ABCA4: variants seen among roughly 807,000 people sequenced by gnomAD.
ABCA4 encodes the protein retinal-specific phospholipid-transporting ATPase ABCA4.
In ABCA4, 196 loss-of-function variants were observed where a neutral mutation model predicts 263.7. The observed-to-expected ratio is 0.74, with a 90% confidence interval of 0.66 to 0.84. The LOEUF (loss-of-function observed/expected upper bound fraction) is 0.84, where lower values mean the gene tolerates loss of function less well. Ranked by LOEUF, ABCA4 falls within the 40% of genes least tolerant of loss-of-function variation. The pLI is 0.00. For synonymous variants in ABCA4, 1,133 were observed against 1,094.2 expected (o/e 1.04, Z -0.70); for missense variants, 2,792 against 2,855.1 (o/e 0.98, Z 0.50).
chr1:94,110,501 G>A (rs552345909), intron 3 of ABCA4, among the ~76,000 whole-genome samples: 20 of 152,278 alleles, frequency 1.3e-4, no homozygotes, highest in Non-Finnish European at 1.8e-4. Flanking sequence ...TATACAGGTC[G>A]GGTAAAGCCT....
At chr1:93,995,960 T>C (rs1658987967) in intron 49 of ABCA4, 149 bp downstream of exon 49, 1 of 675,472 alleles carries the variant, frequency 1.5e-6, no homozygotes, top group African/African-American at 1.8e-5. Flanking sequence ...GATGAGGATG[T>C]GGTGGGGACT....
At chr1:94,084,831 A>T (rs1661789865) in intron 6 of ABCA4, among the ~76,000 whole-genome samples, 1 of 152,052 alleles carries the variant, frequency 6.6e-6, no homozygotes, top group Non-Finnish European at 1.5e-5. Context: ...AAAGCACTTT[A>T]ATTTCTGTTT....
At position 93,993,031 on chromosome 1, in the gene ABCA4, G is replaced by T; in HGVS notation, c.*206C>A. The T allele has an allele frequency of 1.6e-6, 1 of 632,218 alleles. No individual in the cohort carries two copies. The highest frequency in any genetic ancestry group is 2.7e-6 in the Non-Finnish European group (1 of 364,228). The allele number at this position is 632,218 out of a possible 1,614,324, so 39.2% of individuals were successfully genotyped here. A position where few individuals can be genotyped will look rare whatever the true frequency, so the allele number is the denominator to read the frequency against. On this transcript the variant is annotated 3_prime_UTR_variant, in exon 50 of 50. Transcript: ENST00000370225. Reference sequence around the variant, plus strand: ...TTGTATTTGTTTGGTTTCACCATCAGGTGTTCCAGGTGAGCAAGTCAGTTT... The same window carrying T: ...TTGTATTTGTTTGGTTTCACCATCATGTGTTCCAGGTGAGCAAGTCAGTTT...
intron 31 of ABCA4, among the ~76,000 whole-genome samples, chr1:94,024,699 TA>T (rs1169285967): frequency 6.6e-6 from 1 of 152,200 alleles, no homozygotes; most frequent in Non-Finnish European, 1.5e-5. Context: ...ATACGTGGGT[TA>T]AAATTTAAGA....
chr1:94,077,584 G>A, intron 11 of ABCA4, 106 bp downstream of exon 11: 5 of 1,092,414 alleles, frequency 4.6e-6, no homozygotes, highest in Non-Finnish European at 5.3e-6. Context: ...CTTCAGTGGG[G>A]AAAATGAAAG....
Position 94,021,413 on chromosome 1 carries a change from G to C in ABCA4, c.4849-4C>G. On this transcript the variant is annotated splice_polypyrimidine_tract_variant and splice_region_variant and intron_variant, in intron 34 of 49. Coordinates refer to ENST00000370225, the MANE Select transcript of ABCA4 (RefSeq NM_000350.3). ...AGCCTTTGTTATTAAACCACACCTA[G>C]AGGGTGGAGAGGACATCTGAGACGC... 6.2e-7 allele frequency: 1 copy of C among 1,614,210 alleles called. No individual in the cohort carries two copies. The highest frequency in any genetic ancestry group is 1.3e-5 in the African/African-American group (1 of 75,056).
intron 43 of ABCA4, 25 bp downstream of exon 43, chr1:94,007,609 G>A: frequency 1.3e-6 from 2 of 1,588,072 alleles, no homozygotes; most frequent in Non-Finnish European, 1.7e-6. Context: ...GAGACTCCCT[G>A]AGACAGGAGG....
chr1:94,100,062 A>G (rs1662249450), intron 5 of ABCA4, among the ~76,000 whole-genome samples: 1 of 152,172 alleles, frequency 6.6e-6, no homozygotes, highest in Non-Finnish European at 1.5e-5. Flanking sequence ...ACAGTCTCCC[A>G]TGACATCTAA....
Position 94,112,959 on chromosome 1 carries a change from C to T in ABCA4, c.160+14G>A, listed in dbSNP as rs1662651173. 3 of 1,607,904 alleles carry T rather than the reference C, an allele frequency of 1.9e-6. No individual in the cohort carries two copies. The highest frequency in any genetic ancestry group is 2.6e-6 in the Non-Finnish European group (3 of 1,174,358). On this transcript the variant is annotated intron_variant, in intron 2 of 49. Transcript: ENST00000370225. The stretch of plus-strand genomic sequence containing the variant: ...TCTCTTCAGGGCTTGCCCAAGCTAC[C>T]CTGCTATGCTTACATTCATGATGGC...
intron 11 of ABCA4, among the ~76,000 whole-genome samples, chr1:94,076,293 A>G (rs17111003): frequency 0.055 from 8,325 of 152,172 alleles, 255 homozygotes; most frequent in Non-Finnish European, 0.064. Context: ...TGTATAGATG[A>G]CTGCTAAGGG....
At chr1:94,078,398 C>A (rs1445095227) in intron 10 of ABCA4, among the ~76,000 whole-genome samples, 192 bp downstream of exon 10, 1 of 152,182 alleles carries the variant, frequency 6.6e-6, no homozygotes, top group Non-Finnish European at 1.5e-5. Context: ...ATTCAAGAAA[C>A]ATATTTCTCA....
At chr1:94,117,311 CA>C (rs1662817745) in intron 1 of ABCA4, among the ~76,000 whole-genome samples, 1 of 152,124 alleles carries the variant, frequency 6.6e-6, no homozygotes, top group South Asian at 2.1e-4. Context: ...CCTGGACAAA[CA>C]TGACCCGGAG....
chr1:94,015,773 G>T lies in ABCA4; in HGVS notation c.5278C>A (p.Leu1760Ile), dbSNP rs755278800. Residue 1760 changes from leucine to isoleucine, a missense_variant, in exon 37 of 50, where the codon CTT becomes ATT. Transcript: ENST00000370225. ...AGGAGCAGTGCCACAAGGGCAGGAA[G>T]GTTTTCTGGAGAAGTGTAGGCTTTC... The part of the protein sequence containing the change: ...QKKAYTSPEN[L>I]PALVALLLLY... 7.4e-6 allele frequency: 12 copies of T among 1,613,910 alleles called. No individual in the cohort carries two copies. In the South Asian group the frequency reaches 1.2e-4, roughly 16 times the overall value.
chr1:94,048,254 T>C (rs1462694036), intron 18 of ABCA4, among the ~76,000 whole-genome samples: 1 of 152,184 alleles, frequency 6.6e-6, no homozygotes, highest in Non-Finnish European at 1.5e-5. Flanking sequence ...GAAATGCGTA[T>C]GCTTAGGGAA....
At position 94,041,339 on chromosome 1, in the gene ABCA4, G is replaced by A. The variant is rs1660480391; in HGVS notation, c.3392C>T (p.Ala1131Val). 6.2e-7 allele frequency: 1 copy of A among 1,614,156 alleles called. No individual in the cohort carries two copies. The highest frequency in any genetic ancestry group is 8.5e-7 in the Non-Finnish European group (1 of 1,180,044). The part of the protein sequence containing the change: ...DEADLLGDRI[A>V]IIAQGRLYCS... ...GTAGAGCCTTCCCTGGGCAATGATG[G>A]CAATGCGGTCCCCAAGGAGGTCGGC... The change falls in exon 23 of 50, where the codon GCC becomes GTC. Residue 1131 changes from alanine to valine, a missense_variant. By Grantham distance (64) the Ala-to-Val change is moderately conservative (BLOSUM62 0). Coordinates refer to ENST00000370225, the MANE Select transcript of ABCA4 (RefSeq NM_000350.3).
chr1:94,118,221 A>C (rs1028383812), intron 1 of ABCA4, among the ~76,000 whole-genome samples: 1 of 152,182 alleles, frequency 6.6e-6, no homozygotes, highest in Admixed American at 6.5e-5. Flanking sequence ...CAGGGAGGTG[A>C]TGCACTTAGT....
intron 1 of ABCA4, among the ~76,000 whole-genome samples, chr1:94,119,020 T>C (rs1333176367): frequency 3.9e-5 from 6 of 152,180 alleles, no homozygotes; most frequent in Admixed American, 6.5e-5. Context: ...AACAATGGCA[T>C]ATTGGATTTT....
At chr1:94,021,580 TA>T in intron 34 of ABCA4, 59 bp downstream of exon 34, 1 of 1,536,168 alleles carries the variant, frequency 6.5e-7, no homozygotes, top group South Asian at 1.1e-5. Flanking sequence ...AAAGTAAAAA[TA>T]AAATAACCAG....
Position 94,098,902 on chromosome 1 carries a change from G to A in ABCA4, c.660C>T (p.Arg220=), listed in dbSNP as rs369438631. Reference sequence around the variant, plus strand: ...GGGCATAGCGCACCGTCTTTGCCCCGCGTCTCTGGCTGAAGATGATGAAGC... The same window carrying A: ...GGGCATAGCGCACCGTCTTTGCCCCACGTCTCTGGCTGAAGATGATGAAGC... The part of the protein sequence containing the change: ...LERFIIFSQR[R]GAKTVRYALC... Residue 220 remains arginine (R), a synonymous_variant, in exon 6 of 50, where the codon CGC becomes CGT. Transcript: ENST00000370225. The A allele has an allele frequency of 2.1e-5, 34 of 1,613,838 alleles. No homozygotes were observed. The highest frequency in any genetic ancestry group is 5.3e-5 in the African/African-American group (4 of 74,950).
Sources: allele counts gnomAD v4.1 joint callset (sites outside exome capture counted in the v4.1 genomes callset), GRCh38; gene constraint gnomAD v4.1.1; transcripts MANE v1.5; gene names NCBI Gene and HGNC (gene_info 2026-07-23, HGNC 2026-07-21).